The following RAPGEF2 variants were observed in gnomAD, a reference collection of about 807,000 sequenced individuals.
RAPGEF2 encodes the protein PDZ domain containing guanine nucleotide exchange factor (GEF) 1.
In RAPGEF2, 54 loss-of-function variants were observed where a neutral mutation model predicts 186.7. That is an observed-to-expected ratio of 0.29 (90% CI 0.23 to 0.36). The LOEUF is 0.36. Ranked by LOEUF, RAPGEF2 falls within the 10% of genes least tolerant of loss-of-function variation. RAPGEF2 has a pLI of 1.00. For missense variants in RAPGEF2, 1,532 were observed against 2,045.0 expected (o/e 0.75, Z 4.84); for synonymous variants, 712 against 705.9 (o/e 1.01, Z -0.14).
At chr4:159,357,966 G>A (rs898926889) in intron 29 of RAPGEF2, 148 bp from the exon 30 acceptor site, 9 of 716,492 alleles carry the variant, frequency 1.3e-5, no homozygotes, top group Middle Eastern at 3.1e-4. Flanking sequence ...TCATTGTTTA[G>A]GAAAAAAAGA....
intron 1 of RAPGEF2, among the ~76,000 whole-genome samples, chr4:159,146,678 A>T (rs968723099): frequency 4.6e-5 from 7 of 152,320 alleles, no homozygotes; most frequent in African/African-American, 1.4e-4. Flanking sequence ...AAGAACTGGG[A>T]TTTGAATCCA....
At chr4:159,312,724 G>A (rs1296679793) in intron 8 of RAPGEF2, among the ~76,000 whole-genome samples, 1 of 152,092 alleles carries the variant, frequency 6.6e-6, no homozygotes, top group African/African-American at 2.4e-5. Flanking sequence ...TCAGGAAATT[G>A]TACCTAAAGA....
At chr4:159,209,320 T>C (rs1750289186) in intron 3 of RAPGEF2, among the ~76,000 whole-genome samples, 1 of 152,092 alleles carries the variant, frequency 6.6e-6, no homozygotes, top group Admixed American at 6.5e-5. Flanking sequence ...AAAGATGGTC[T>C]TATATGAAAA....
chr4:159,199,691 G>A (rs956066770), intron 3 of RAPGEF2, among the ~76,000 whole-genome samples: 1 of 152,200 alleles, frequency 6.6e-6, no homozygotes, highest in African/African-American at 2.4e-5. Context: ...TTTCTGATGT[G>A]AGGGGTAGTG....
intron 7 of RAPGEF2, among the ~76,000 whole-genome samples, chr4:159,266,074 G>T (rs1757390217): frequency 6.6e-6 from 1 of 152,062 alleles, no homozygotes; most frequent in Non-Finnish European, 1.5e-5. Context: ...TTTTTGTTTT[G>T]TTTTTGAGAT....
At chr4:159,180,244 T>A (rs762773448) in intron 1 of RAPGEF2, among the ~76,000 whole-genome samples, 15 of 152,218 alleles carry the variant, frequency 9.9e-5, no homozygotes, top group Non-Finnish European at 2.1e-4. Flanking sequence ...CTTCTTCCTT[T>A]AATTTGCATG....
rs1013306989 is a variant in RAPGEF2, at chr4:159,190,719, G to A, written c.141-2481G>A. Among the ~76,000 whole-genome samples, 10 of 152,290 alleles carry A rather than the reference G, an allele frequency of 6.6e-5. No homozygotes were observed. In the East Asian group the frequency reaches 1.4e-3, roughly 21 times the overall value. On this transcript the variant is annotated intron_variant, in intron 2 of 29. Coordinates refer to ENST00000691494, the MANE Select transcript of RAPGEF2 (RefSeq NM_001394067.2). ...GGAGAGAGAAGAATGAGTGCCCAGC[G>A]AAGGGGGAAGCCCCTTATAAAACCA...
chr4:159,351,920 C>T (rs1372404890), intron 26 of RAPGEF2, among the ~76,000 whole-genome samples: 1 of 152,178 alleles, frequency 6.6e-6, no homozygotes, highest in Non-Finnish European at 1.5e-5. Context: ...CACTGCACTC[C>T]AGCTTGGGTG....
intron 8 of RAPGEF2, among the ~76,000 whole-genome samples, chr4:159,310,242 T>C (rs1763802386): frequency 1.3e-5 from 2 of 152,170 alleles, no homozygotes; most frequent in Non-Finnish European, 2.9e-5. Flanking sequence ...ACAGATTTTC[T>C]TACTTAAAAT....
At chr4:159,318,931 G>C (rs1764920471) in intron 9 of RAPGEF2, among the ~76,000 whole-genome samples, 1 of 152,114 alleles carries the variant, frequency 6.6e-6, no homozygotes, top group African/African-American at 2.4e-5. Flanking sequence ...ATAAACGTTA[G>C]ATAGGTCATA....
At chr4:159,182,204 A>G (rs1417414212) in intron 1 of RAPGEF2, among the ~76,000 whole-genome samples, 1 of 152,160 alleles carries the variant, frequency 6.6e-6, no homozygotes, top group Non-Finnish European at 1.5e-5. Flanking sequence ...AATGAGAGGC[A>G]ATCAGTTTAT....
At chr4:159,298,631 A>G (rs771459894) in intron 7 of RAPGEF2, among the ~76,000 whole-genome samples, 1 of 152,230 alleles carries the variant, frequency 6.6e-6, no homozygotes, top group Non-Finnish European at 1.5e-5. Flanking sequence ...ATGTATGTGC[A>G]TGCCTAGAGA....
chr4:159,263,228 A>T (rs377687150), intron 7 of RAPGEF2, among the ~76,000 whole-genome samples: 9 of 152,308 alleles, frequency 5.9e-5, no homozygotes, highest in African/African-American at 2.2e-4. Flanking sequence ...TTATCAGATA[A>T]TCAACTTTTC....
chr4:159,173,034 C>T (rs1377109938), intron 1 of RAPGEF2, among the ~76,000 whole-genome samples: 1 of 152,046 alleles, frequency 6.6e-6, no homozygotes, highest in Non-Finnish European at 1.5e-5. Flanking sequence ...ATTTTCTGAC[C>T]AATAGTGGAA....
chr4:159,148,034 A>G (rs1743129971), intron 1 of RAPGEF2, among the ~76,000 whole-genome samples: 1 of 152,240 alleles, frequency 6.6e-6, no homozygotes, highest in African/African-American at 2.4e-5. Flanking sequence ...ATTTTCAACA[A>G]TAGACATATT....
chr4:159,129,263 A>G (rs990411686), intron 1 of RAPGEF2, among the ~76,000 whole-genome samples: 2 of 152,146 alleles, frequency 1.3e-5, no homozygotes, highest in Non-Finnish European at 2.9e-5. Context: ...GAATCTTTAT[A>G]TTATGCCTCT....
chr4:159,323,547 T>C lies in RAPGEF2; in HGVS notation c.1079T>C (p.Phe360Ser). Residue 360 changes from phenylalanine (F) to serine (S), a missense_variant, in exon 11 of 30, where the codon TTT becomes TCT. Physicochemically the swap from Phe to Ser is radical, Grantham distance 155. Transcript: ENST00000691494. Reference protein sequence around the residue: ...KAEILCMGNSFGVSPTMDKEY... With the variant: ...KAEILCMGNSSGVSPTMDKEY... ...GAAATACTGTGCATGGGAAATAGTT[T>C]TGGTGTCTCTCCTACCATGGACAAA... The C allele has an allele frequency of 6.2e-7, 1 of 1,613,198 alleles. No homozygotes were observed. Among genetic ancestry groups the C allele is most frequent in the East Asian group, 2.2e-5 (1 of 44,760 alleles).
chr4:159,357,390 G>A lies in RAPGEF2; in HGVS notation c.4958-724G>A, dbSNP rs74961350. Among the ~76,000 whole-genome samples the A allele has an allele frequency of 2.1e-3, 326 of 152,286 alleles. 1 individual carries two copies. Among genetic ancestry groups the A allele is most frequent in the African/African-American group, 6.9e-3 (288 of 41,556 alleles). On this transcript the variant is annotated intron_variant, in intron 29 of 29. Transcript: ENST00000691494. The stretch of plus-strand genomic sequence containing the variant: ...AGAAAGAGAGAGAGAAGGGGAGGGA[G>A]AAAGGGAAGGAAGGAAGGAACCCAC...
chr4:159,217,314 G>T (rs917854205), intron 4 of RAPGEF2, among the ~76,000 whole-genome samples: 5 of 152,064 alleles, frequency 3.3e-5, no homozygotes, highest in Non-Finnish European at 5.9e-5. Flanking sequence ...TTCAATTCTT[G>T]CCCGCTTCCT....
Sources: allele counts gnomAD v4.1 joint callset (sites outside exome capture counted in the v4.1 genomes callset), GRCh38; gene constraint gnomAD v4.1.1; transcripts MANE v1.5; gene names NCBI Gene and HGNC (gene_info 2026-07-23, HGNC 2026-07-21).